The following SPAG16 variants were observed in gnomAD, a reference collection of about 807,000 sequenced individuals.
The protein encoded by SPAG16 is sperm-associated antigen 16 protein.
Under a neutral mutation model 80.4 loss-of-function variants are expected in SPAG16, and 86 were observed. The observed-to-expected ratio is 1.07, with a 90% CI of 0.90 to 1.28. The LOEUF is 1.28. Among genes scored for constraint, SPAG16 ranks in the 50% most tolerant of loss-of-function variants. The pLI is 0.00. For missense variants in SPAG16, 870 were observed against 765.3 expected (o/e 1.14, Z -1.61); for synonymous variants, 294 against 265.9 (o/e 1.11, Z -1.03).
At chr2:213,544,053 C>T (rs1479772065) in intron 10 of SPAG16, among the ~76,000 whole-genome samples, 1 of 151,676 alleles carries the variant, frequency 6.6e-6, no homozygotes, top group African/African-American at 2.4e-5. Flanking sequence ...TTCTTGTCTT[C>T]TCTTTCAGGA....
intron 15 of SPAG16, among the ~76,000 whole-genome samples, chr2:214,327,059 C>CA (rs1376380919): frequency 6.7e-6 from 1 of 148,856 alleles, no homozygotes; most frequent in Non-Finnish European, 1.5e-5. Context: ...CCACAGAAGA[C>CA]AAAATGTTAG....
At chr2:213,813,750 T>G (rs2072331114) in intron 10 of SPAG16, among the ~76,000 whole-genome samples, 1 of 152,150 alleles carries the variant, frequency 6.6e-6, no homozygotes, top group Non-Finnish European at 1.5e-5. Context: ...TCTCCAGTTT[T>G]GGAAATTTTA....
chr2:213,798,615 T>C (rs957622807), intron 10 of SPAG16, among the ~76,000 whole-genome samples: 8 of 152,192 alleles, frequency 5.3e-5, no homozygotes, highest in African/African-American at 1.9e-4. Context: ...GTGTATTGTT[T>C]ATTTATCACT....
At chr2:213,471,630 G>T (rs144977900) in intron 9 of SPAG16, among the ~76,000 whole-genome samples, 18 of 152,138 alleles carry the variant, frequency 1.2e-4, no homozygotes, top group South Asian at 2.1e-4. Context: ...CCTATCTGCC[G>T]CTGTCACCTC....
chr2:214,248,140 A>G (rs948580379), intron 15 of SPAG16, among the ~76,000 whole-genome samples: 1 of 152,010 alleles, frequency 6.6e-6, no homozygotes, highest in South Asian at 2.1e-4. Flanking sequence ...TAAGGAATTC[A>G]TCCAGAACAC....
At chr2:213,844,003 G>A (rs2074489312) in intron 10 of SPAG16, among the ~76,000 whole-genome samples, 1 of 152,086 alleles carries the variant, frequency 6.6e-6, no homozygotes, top group South Asian at 2.1e-4. Flanking sequence ...ATTGTTTATA[G>A]TTCAGATTGG....
intron 15 of SPAG16, among the ~76,000 whole-genome samples, chr2:214,288,249 T>A (rs1184952900): frequency 1.3e-5 from 2 of 152,334 alleles, no homozygotes; most frequent in East Asian, 3.9e-4. Flanking sequence ...GCAAATGCCC[T>A]AATTTTATTA....
intron 10 of SPAG16, among the ~76,000 whole-genome samples, chr2:213,625,819 C>T (rs1232093898): frequency 1.3e-5 from 2 of 151,968 alleles, no homozygotes; most frequent in Non-Finnish European, 2.9e-5. Context: ...TCCGGAGTAG[C>T]TGGAATTACA....
Position 213,695,060 on chromosome 2 carries a change from C to T in SPAG16, c.1071-167425C>T, listed in dbSNP as rs547531418. Among the ~76,000 whole-genome samples, 23 of 152,238 alleles carry T rather than the reference C, an allele frequency of 1.5e-4. No homozygotes were observed. In the South Asian group the frequency reaches 2.1e-3, roughly 14 times the overall value. ...TCTACCTTTTTGTTAATCCACTTCCCTCCACTACTGGAGGTTGATACCACT... is the reference window on the plus strand; with the variant it reads ...TCTACCTTTTTGTTAATCCACTTCCTTCCACTACTGGAGGTTGATACCACT... On this transcript the variant is annotated intron_variant, in intron 10 of 15. Coordinates refer to ENST00000331683, the MANE Select transcript of SPAG16 (RefSeq NM_024532.5).
intron 9 of SPAG16, among the ~76,000 whole-genome samples, chr2:213,445,958 A>G (rs144303739): frequency 1.3e-3 from 192 of 152,346 alleles, no homozygotes; most frequent in African/African-American, 4.4e-3. Context: ...CCTTAGGGTT[A>G]GAACACACAG....
In SPAG16 at chr2:214,271,549, C is replaced by A. The variant is rs184922168; in HGVS notation, c.1720+122283C>A. Reference sequence around the variant, plus strand: ...CGTGTGGTGGCTCATGCCTGTAACTCCAGCACTTTGGGAGGCCAAGGCGGG... The same window carrying A: ...CGTGTGGTGGCTCATGCCTGTAACTACAGCACTTTGGGAGGCCAAGGCGGG... On this transcript the variant is annotated intron_variant, in intron 15 of 15. Transcript: ENST00000331683. Among the ~76,000 whole-genome samples the A allele has an allele frequency of 7.6e-4, 115 of 152,264 alleles. No homozygotes were observed. In the Middle Eastern group the frequency reaches 0.017, roughly 23 times the overall value.
intron 10 of SPAG16, among the ~76,000 whole-genome samples, chr2:213,709,889 T>G (rs556289390): frequency 6.6e-6 from 1 of 152,346 alleles, no homozygotes; most frequent in South Asian, 2.1e-4. Context: ...AAGGCTATAT[T>G]TTATTTTTTA....
intron 15 of SPAG16, among the ~76,000 whole-genome samples, chr2:214,162,449 G>T (rs550265443): frequency 6.6e-6 from 1 of 152,212 alleles, no homozygotes; most frequent in African/African-American, 2.4e-5. Context: ...AATAGGTGGA[G>T]ATTTTTAACC....
intron 13 of SPAG16, among the ~76,000 whole-genome samples, chr2:214,047,817 T>A (rs2049416700): frequency 2.6e-5 from 4 of 152,040 alleles, no homozygotes; most frequent in Admixed American, 2.6e-4. Flanking sequence ...AACTAGAATA[T>A]ATAAGGAGCT....
chr2:213,879,242 G>C (rs2106019723), intron 11 of SPAG16, among the ~76,000 whole-genome samples: 1 of 151,996 alleles, frequency 6.6e-6, no homozygotes, highest in Admixed American at 6.5e-5. Flanking sequence ...GCTTTGGATA[G>C]TATAGTCATT....
At chr2:213,809,705 G>C (rs1032163377) in intron 10 of SPAG16, among the ~76,000 whole-genome samples, 4 of 152,058 alleles carry the variant, frequency 2.6e-5, no homozygotes, top group African/African-American at 9.7e-5. Flanking sequence ...AAAGTGAAAA[G>C]ATTGATGAAC....
intron 15 of SPAG16, among the ~76,000 whole-genome samples, chr2:214,337,247 A>G: frequency 6.6e-6 from 1 of 152,130 alleles, no homozygotes; most frequent in Non-Finnish European, 1.5e-5. Context: ...AAAAAAAGAG[A>G]AGGTTTAGGA....
chr2:213,915,047 C>T (rs956058609), intron 11 of SPAG16, among the ~76,000 whole-genome samples: 6 of 151,794 alleles, frequency 4.0e-5, no homozygotes, highest in Admixed American at 6.6e-5. Flanking sequence ...CTCATAATCA[C>T]GGCAGAAGGT....
chr2:213,908,757 T>TG (rs2077531866), intron 11 of SPAG16, among the ~76,000 whole-genome samples: 1 of 113,694 alleles, frequency 8.8e-6, no homozygotes, highest in South Asian at 2.9e-4. Context: ...TCTTTTTTTT[T>TG]GTCTTTTTTT....
Sources: gnomAD v4.1 joint callset for allele counts (sites outside exome capture counted in the v4.1 genomes callset) on GRCh38, gnomAD v4.1.1 for gene constraint, MANE v1.5 for transcripts, NCBI Gene and HGNC (gene_info 2026-07-23, HGNC 2026-07-21) for gene names.